CCDC171: variants seen among roughly 807,000 people sequenced by gnomAD.
CCDC171 encodes coiled-coil domain containing 171, also known as coiled-coil domain-containing protein 171.
Under a neutral mutation model 168.2 loss-of-function variants are expected in CCDC171, and 177 were observed. The ratio of observed to expected loss-of-function variants is 1.05; its 90% confidence interval spans 0.93 to 1.19. The LOEUF (loss-of-function observed/expected upper bound fraction) is 1.19. Ranked by LOEUF, CCDC171 falls within the 50% of genes most tolerant of loss-of-function variation. The pLI is 0.00. For synonymous variants in CCDC171, 687 were observed against 540.8 expected (o/e 1.27, Z -3.75); for missense variants, 1,991 against 1,539.0 (o/e 1.29, Z -4.91).
chr9:15,914,083 C>T (rs1409888915), intron 24 of CCDC171, among the ~76,000 whole-genome samples: 9 of 152,208 alleles, frequency 5.9e-5, no homozygotes, highest in East Asian at 5.8e-4. Flanking sequence ...TCTGTCAACC[C>T]CTGCTGGGAG....
intron 14 of CCDC171, among the ~76,000 whole-genome samples, chr9:15,726,216 A>G (rs1392602099): frequency 6.6e-6 from 1 of 152,188 alleles, no homozygotes; most frequent in Non-Finnish European, 1.5e-5. Context: ...AAAGGAAACT[A>G]GAAGCCTGAC....
rs1443045988 is a variant in CCDC171, at chr9:16,029,458, A to C, written n.999-5999A>C. Reference sequence around the variant, plus strand: ...TGATGCTTGGAGGGCTGTGCTGACAAAAGCTGTGTGGCCACATCTGGGCTC... The same window carrying C: ...TGATGCTTGGAGGGCTGTGCTGACACAAGCTGTGTGGCCACATCTGGGCTC... On this transcript the variant is annotated intron_variant and non_coding_transcript_variant, in intron 6 of 9. Transcript: ENST00000486641. Among the ~76,000 whole-genome samples, 3 of 152,210 alleles carry C rather than the reference A, an allele frequency of 2.0e-5. No individual in the cohort carries two copies. In the East Asian group the frequency reaches 5.8e-4, roughly 29 times the overall value.
intron 21 of CCDC171, among the ~76,000 whole-genome samples, chr9:15,789,032 A>G (rs2135553863): frequency 6.6e-6 from 1 of 152,268 alleles, no homozygotes; most frequent in Middle Eastern, 3.4e-3. Flanking sequence ...AAAACAAATG[A>G]CAATATTGTC....
At chr9:15,956,912 A>T (rs1466996727) in intron 25 of CCDC171, among the ~76,000 whole-genome samples, 1 of 152,108 alleles carries the variant, frequency 6.6e-6, no homozygotes, top group African/African-American at 2.4e-5. Context: ...GATGTAATGG[A>T]AAAATTAACT....
At chr9:15,888,091 A>T (rs1020931764) in intron 24 of CCDC171, 1 of 152,252 alleles carries the variant, frequency 6.6e-6, no homozygotes, top group African/African-American at 2.4e-5. Context: ...TTTTCCAGGT[A>T]GAAACACTTA....
intron 21 of CCDC171, among the ~76,000 whole-genome samples, chr9:15,844,511 G>A (rs2060815139): frequency 6.6e-6 from 1 of 151,886 alleles, no homozygotes; most frequent in African/African-American, 2.4e-5. Flanking sequence ...ATTTTATGAT[G>A]TCATTCTCCT....
At chr9:15,901,782 G>A (rs890031233) in intron 24 of CCDC171, among the ~76,000 whole-genome samples, 31 of 152,246 alleles carry the variant, frequency 2.0e-4, no homozygotes, top group African/African-American at 7.5e-4. Flanking sequence ...TAGAGGGGCT[G>A]AAAGTGGCAT....
At chr9:15,658,340 C>G (rs2048086619) in intron 8 of CCDC171, among the ~76,000 whole-genome samples, 1 of 152,140 alleles carries the variant, frequency 6.6e-6, no homozygotes. Context: ...GAAAATAACT[C>G]TGGTGCCATA....
intron 25 of CCDC171, among the ~76,000 whole-genome samples, chr9:15,958,756 C>T (rs980559931): frequency 4.3e-4 from 65 of 152,026 alleles, no homozygotes; most frequent in African/African-American, 1.5e-3. Flanking sequence ...GAGAGCAAAG[C>T]TGTTTTATGA....
chr9:15,710,752 C>T (rs116068931), intron 11 of CCDC171, among the ~76,000 whole-genome samples: 2,190 of 152,166 alleles, frequency 0.014, 53 homozygotes, highest in African/African-American at 0.049. Flanking sequence ...TGCACCAACA[C>T]GTACAGCTAA....
intron 21 of CCDC171, among the ~76,000 whole-genome samples, chr9:15,797,589 A>G (rs1486354317): frequency 1.3e-5 from 2 of 152,004 alleles, no homozygotes; most frequent in East Asian, 3.9e-4. Context: ...CTCTATATAG[A>G]TTCTTTTTTC....
chr9:15,635,608 C>G (rs2046141216), intron 7 of CCDC171, among the ~76,000 whole-genome samples: 1 of 152,154 alleles, frequency 6.6e-6, no homozygotes. Context: ...TGCACTGACT[C>G]AAATGTTAAT....
At chr9:15,828,801 G>A (rs1390529683) in intron 21 of CCDC171, among the ~76,000 whole-genome samples, 1 of 152,200 alleles carries the variant, frequency 6.6e-6, no homozygotes, top group African/African-American at 2.4e-5. Flanking sequence ...GAATGAAAAC[G>A]ATTTTCTCTG....
chr9:15,612,754 C>A (rs1294904354), intron 6 of CCDC171, among the ~76,000 whole-genome samples: 4 of 152,042 alleles, frequency 2.6e-5, no homozygotes, highest in Non-Finnish European at 5.9e-5. Context: ...AGTTTCCATG[C>A]CATTCTTTGC....
chr9:15,599,597 C>G (rs2042666890), intron 6 of CCDC171, among the ~76,000 whole-genome samples: 1 of 152,144 alleles, frequency 6.6e-6, no homozygotes, highest in African/African-American at 2.4e-5. Context: ...TCCTTCATTT[C>G]AACTTTGGTG....
At chr9:15,698,660 C>A (rs891077082) in intron 11 of CCDC171, among the ~76,000 whole-genome samples, 1 of 151,884 alleles carries the variant, frequency 6.6e-6, no homozygotes, top group African/African-American at 2.4e-5. Flanking sequence ...GGATAGTATT[C>A]CATTATGTGT....
intron 25 of CCDC171, among the ~76,000 whole-genome samples, chr9:15,925,812 T>C (rs1310811543): frequency 1.3e-5 from 2 of 151,692 alleles, no homozygotes; most frequent in African/African-American, 4.8e-5. Flanking sequence ...CAGGGACATA[T>C]AGGTAGTACT....
intron 16 of CCDC171, 28 bp downstream of exon 16, chr9:15,729,826 A>C (rs756282555): frequency 1.9e-6 from 3 of 1,585,682 alleles, no homozygotes; most frequent in Non-Finnish European, 2.6e-6. Flanking sequence ...AGAGCTTTAA[A>C]AAATGGGTTA....
chr9:15,928,422 G>A (rs1826128279), intron 25 of CCDC171, among the ~76,000 whole-genome samples: 1 of 151,842 alleles, frequency 6.6e-6, no homozygotes, highest in South Asian at 2.1e-4. Flanking sequence ...ATTAGATGGA[G>A]AATTGTGAGA....
Sources: allele counts gnomAD v4.1 joint callset (sites outside exome capture counted in the v4.1 genomes callset), GRCh38; gene constraint gnomAD v4.1.1; transcripts MANE v1.5; gene names NCBI Gene and HGNC (gene_info 2026-07-23, HGNC 2026-07-21).